Variants in DNAH14 observed in about 807,000 individuals in gnomAD.
The protein encoded by DNAH14 is axonemal beta dynein heavy chain 14.
In DNAH14, 478 loss-of-function variants were observed where a neutral mutation model predicts 520.9. That is an observed-to-expected ratio of 0.92 (90% CI 0.85 to 0.99). The LOEUF is 0.99. Ranked by LOEUF, DNAH14 falls within the 50% of genes least tolerant of loss-of-function variation. The probability of loss-of-function intolerance (pLI) is 0.00; values close to 1 mark genes in which losing one functional copy is unlikely to be tolerated. For synonymous variants in DNAH14, 1,581 were observed against 1,757.2 expected, an observed-to-expected ratio of 0.90 and a Z score of 2.51; for missense variants, 4,831 against 5,234.5, an observed-to-expected ratio of 0.92 and a Z score of 2.38.
In DNAH14 at chr1:225,324,281, G is replaced by T; in HGVS notation, c.9555G>T (p.Ser3185=). Residue 3185 remains serine, a synonymous_variant, in exon 63 of 86, where the codon TCG becomes TCT. Transcript: ENST00000682510. ...TLPDFNPHKI[S]LVSVACCSLC... ...CTGATTTCAACCCACACAAGATTTC[G>T]CTGGTTTCTGTTGCTTGTTGCTCCC... 2 of 1,551,704 alleles carry T rather than the reference G, an allele frequency of 1.3e-6. No individual in the cohort carries two copies. Among genetic ancestry groups the T allele is most frequent in the South Asian group, 2.4e-5 (2 of 84,046 alleles).
chr1:225,353,979 C>A, intron 73 of DNAH14, 91 bp downstream of exon 73: 1 of 774,648 alleles, frequency 1.3e-6, no homozygotes. Context: ...ATTTTACAAG[C>A]AAAGTGTATT....
At chr1:225,349,880 C>T (rs1390129325) in intron 71 of DNAH14, among the ~76,000 whole-genome samples, 2 of 151,996 alleles carry the variant, frequency 1.3e-5, no homozygotes, top group Non-Finnish European at 2.9e-5. Context: ...TTTTCAATAG[C>T]GAATAAAACA....
intron 9 of DNAH14, among the ~76,000 whole-genome samples, chr1:225,004,421 T>A (rs2064006054): frequency 6.6e-6 from 1 of 152,176 alleles, no homozygotes; most frequent in Admixed American, 6.6e-5. Flanking sequence ...CCTCATATTT[T>A]GAGCTAGGCT....
Position 225,360,815 on chromosome 1 carries a change from A to G in DNAH14, c.11911A>G (p.Thr3971Ala). Residue 3971 changes from threonine to alanine, a missense_variant, in exon 75 of 86, where the codon ACA becomes GCA. Thr to Ala is a moderately conservative substitution (Grantham distance 58, BLOSUM62 0). Transcript: ENST00000682510. The part of the protein sequence containing the change: ...EDLILKALTK[T>A]QQWVFLQNCH... ...CCTCATTTTAAAGGCACTAACAAAA[A>G]CACAACAATGGGTCTTCCTCCAGAA... The G allele has an allele frequency of 6.4e-7, 1 of 1,551,720 alleles. No individual in the cohort carries two copies. The highest frequency in any genetic ancestry group is 8.7e-7 in the Non-Finnish European group (1 of 1,146,986).
At chr1:224,932,463 C>A (rs1160300890) in intron 1 of DNAH14, among the ~76,000 whole-genome samples, 3 of 151,956 alleles carry the variant, frequency 2.0e-5, no homozygotes, top group East Asian at 3.8e-4. Flanking sequence ...TAGTTTAAGT[C>A]CGATTTGTCT....
chr1:224,980,255 C>T (rs2062165872), intron 8 of DNAH14, among the ~76,000 whole-genome samples: 1 of 152,142 alleles, frequency 6.6e-6, no homozygotes, highest in African/African-American at 2.4e-5. Flanking sequence ...CAGAGGAGAG[C>T]ACACTGCCCT....
intron 79 of DNAH14, among the ~76,000 whole-genome samples, chr1:225,378,809 G>C (rs991667242): frequency 6.6e-6 from 1 of 151,786 alleles, no homozygotes; most frequent in Non-Finnish European, 1.5e-5. Context: ...GAACCCGGGA[G>C]GGGGAGGTTG....
At chr1:225,101,999 G>C (rs1254571435) in intron 23 of DNAH14, among the ~76,000 whole-genome samples, 2 of 150,622 alleles carry the variant, frequency 1.3e-5, no homozygotes, top group African/African-American at 4.9e-5. Context: ...CCATTAACTC[G>C]TCATTTAACA....
chr1:225,129,342 A>G (rs1214513147), intron 27 of DNAH14, among the ~76,000 whole-genome samples: 2 of 152,110 alleles, frequency 1.3e-5, no homozygotes, highest in Non-Finnish European at 2.9e-5. Context: ...GGAACCAAAA[A>G]AGAGCCCGCA....
At chr1:225,355,172 G>A (rs2095416095) in intron 73 of DNAH14, among the ~76,000 whole-genome samples, 1 of 152,152 alleles carries the variant, frequency 6.6e-6, no homozygotes, top group African/African-American at 2.4e-5. Flanking sequence ...TAACATCAAG[G>A]ACCCAGCAGA....
At chr1:225,046,303 A>G (rs2067957444) in intron 15 of DNAH14, among the ~76,000 whole-genome samples, 1 of 152,114 alleles carries the variant, frequency 6.6e-6, no homozygotes, top group Non-Finnish European at 1.5e-5. Context: ...GCATTATATC[A>G]TAGACATTAC....
At chr1:225,177,849 C>A (rs1425172062) in intron 36 of DNAH14, among the ~76,000 whole-genome samples, 2 of 152,142 alleles carry the variant, frequency 1.3e-5, no homozygotes, top group Non-Finnish European at 2.9e-5. Context: ...TTGAAGCCCC[C>A]ACACAGAGTC....
At chr1:225,392,594 A>G (rs2095933898) in intron 84 of DNAH14, 143 bp downstream of exon 84, 1 of 943,102 alleles carries the variant, frequency 1.1e-6, no homozygotes. Flanking sequence ...GCCCTGCTTC[A>G]AGTCCAAATG....
intron 47 of DNAH14, 140 bp from the exon 48 acceptor site, chr1:225,265,042 T>G (rs2093063011): frequency 1.6e-6 from 1 of 643,410 alleles, no homozygotes; most frequent in East Asian, 3.2e-5. Flanking sequence ...ATTCCAAAGT[T>G]CTATCGGAGT....
rs750253166 is a variant in DNAH14 at position 225,268,882 on chromosome 1, T to C, written c.7540-1853T>C. Among the ~76,000 whole-genome samples, 70 of 152,282 alleles carry C rather than the reference T, an allele frequency of 4.6e-4. No homozygotes were observed. In the Middle Eastern group the frequency reaches 0.01, roughly 22 times the overall value. Reference sequence around the variant, plus strand: ...TGCTCATGGATAGGAAGAATCAATATTGTGAAAATGGTCATACTGCCCAAG... The same window carrying C: ...TGCTCATGGATAGGAAGAATCAATACTGTGAAAATGGTCATACTGCCCAAG... On this transcript the variant is annotated intron_variant, in intron 49 of 85. Transcript: ENST00000682510.
At chr1:225,077,636 T>C (rs1262389239) in intron 17 of DNAH14, among the ~76,000 whole-genome samples, 1 of 152,186 alleles carries the variant, frequency 6.6e-6, no homozygotes, top group African/African-American at 2.4e-5. Flanking sequence ...TTATTTGATC[T>C]CCAAAGTACA....
At chr1:225,036,534 G>A (rs181661421) in intron 11 of DNAH14, among the ~76,000 whole-genome samples, 6 of 152,232 alleles carry the variant, frequency 3.9e-5, no homozygotes, top group African/African-American at 1.4e-4. Context: ...GGAGAGTTGC[G>A]TGTCTGTTCC....
At chr1:225,024,389 AC>A (rs2065937384) in intron 11 of DNAH14, 1 of 406,398 alleles carries the variant, frequency 2.5e-6, no homozygotes, top group African/African-American at 2.2e-5. Context: ...ACTGTTAAAA[AC>A]AAAGCATTTT....
At chr1:225,073,070 C>A (rs1049380661) in intron 17 of DNAH14, among the ~76,000 whole-genome samples, 1 of 152,060 alleles carries the variant, frequency 6.6e-6, no homozygotes. Context: ...CCCCTTGTTG[C>A]CTCAGACATG....
Sources: gnomAD v4.1 joint callset for allele counts (sites outside exome capture counted in the v4.1 genomes callset) on GRCh38, gnomAD v4.1.1 for gene constraint, MANE v1.5 for transcripts, NCBI Gene and HGNC (gene_info 2026-07-23, HGNC 2026-07-21) for gene names.